ST7L: variants seen among roughly 807,000 people sequenced by gnomAD.
The protein encoded by ST7L is suppression of tumorigenicity 7 like, also known as suppressor of tumorigenicity 7 protein-like.
In ST7L, 57 loss-of-function variants were observed where a neutral mutation model predicts 72.5. That is an observed-to-expected ratio of 0.79 (90% CI 0.64 to 0.98). The LOEUF (loss-of-function observed/expected upper bound fraction) is 0.98, where lower values mean the gene tolerates loss of function less well. Among genes scored for constraint, ST7L ranks in the 50% least tolerant of loss-of-function variants. The probability of loss-of-function intolerance (pLI) is 0.00; values close to 1 mark genes in which losing one functional copy is unlikely to be tolerated. For synonymous variants in ST7L, 221 were observed against 240.9 expected (o/e 0.92, Z 0.77); for missense variants, 576 against 672.2 (o/e 0.86, Z 1.58).
At chr1:112,538,466 C>A (rs535697721) in intron 14 of ST7L, among the ~76,000 whole-genome samples, 1 of 152,302 alleles carries the variant, frequency 6.6e-6, no homozygotes, top group East Asian at 1.9e-4. Flanking sequence ...TTTTAGCCCC[C>A]TGAATAGCTG....
At chr1:112,605,689 CA>C (rs533526835) in intron 3 of ST7L, among the ~76,000 whole-genome samples, 198 of 142,518 alleles carry the variant, frequency 1.4e-3, no homozygotes, top group South Asian at 2.7e-3. Flanking sequence ...GACTCTGTCT[CA>C]AAAAAAAAAA....
At chr1:112,519,768 C>T (rs1214021019), downstream of ST7L, among the ~76,000 whole-genome samples, 1 of 151,544 alleles carries the variant, frequency 6.6e-6, no homozygotes, top group East Asian at 1.9e-4. Flanking sequence ...TGCTTATTTT[C>T]ATATGAGAAA....
At chr1:112,610,321 C>G (rs1323310541) in intron 3 of ST7L, 5 of 152,214 alleles carry the variant, frequency 3.3e-5, no homozygotes, top group African/African-American at 1.2e-4. Context: ...GGCAGGCTAA[C>G]AAAATAGAAG....
intron 10 of ST7L, 107 bp from the exon 11 acceptor site, chr1:112,577,195 T>C (rs1432321241): frequency 6.9e-6 from 4 of 581,872 alleles, no homozygotes; most frequent in Non-Finnish European, 8.1e-6. Flanking sequence ...TTTCTGGAGA[T>C]GGCCAAAAAC....
At chr1:112,609,750 A>C (rs2101025349) in intron 3 of ST7L, among the ~76,000 whole-genome samples, 1 of 152,166 alleles carries the variant, frequency 6.6e-6, no homozygotes, top group East Asian at 1.9e-4. Context: ...TTGAACTTGG[A>C]AGGAGAGGTT....
chr1:112,569,480 T>C (rs1286099550), intron 11 of ST7L, among the ~76,000 whole-genome samples: 1 of 152,136 alleles, frequency 6.6e-6, no homozygotes, highest in Non-Finnish European at 1.5e-5. Flanking sequence ...AAGTCCAGAA[T>C]AGGCAAATGC....
intron 13 of ST7L, among the ~76,000 whole-genome samples, chr1:112,547,245 T>C (rs1395329060): frequency 6.7e-6 from 1 of 149,978 alleles, no homozygotes; most frequent in Non-Finnish European, 1.5e-5. Flanking sequence ...CAGGCTGGAG[T>C]GCAGTGGCAC....
At chr1:112,539,102 T>A (rs1326181165) in intron 14 of ST7L, 3 of 152,142 alleles carry the variant, frequency 2.0e-5, no homozygotes, top group Non-Finnish European at 4.4e-5. Flanking sequence ...AAATTCCTCT[T>A]ATTGGGGGTA....
intron 5 of ST7L, among the ~76,000 whole-genome samples, chr1:112,594,759 G>A (rs544540302): frequency 6.6e-5 from 10 of 152,210 alleles, no homozygotes; most frequent in South Asian, 4.1e-4. Context: ...ATATGATTTC[G>A]TTGATAGAAC....
At chr1:112,518,433 G>A in the ST7L span, 3 of 152,168 alleles carry the variant, frequency 2.0e-5, no homozygotes, top group Non-Finnish European at 4.4e-5. Flanking sequence ...GAGTCAAGTG[G>A]CTTGGAGTAA....
chr1:112,610,230 C>T (rs916374142), intron 3 of ST7L, among the ~76,000 whole-genome samples: 4 of 152,072 alleles, frequency 2.6e-5, no homozygotes, highest in Admixed American at 6.6e-5. Context: ...TTCTTTCCTT[C>T]CTACTGATTG....
chr1:112,543,675 C>T (rs1656571899), intron 13 of ST7L, among the ~76,000 whole-genome samples: 1 of 152,154 alleles, frequency 6.6e-6, no homozygotes, highest in East Asian at 1.9e-4. Flanking sequence ...TTGAGATCAG[C>T]TTGGCCAACA....
rs33915951 is a variant in ST7L at position 112,566,294 on chromosome 1, C to CTTTTTTTTTTTTTTTT, written c.1246-10277_1246-10276insAAAAAAAAAAAAAAAA. ...TTTTCTTTTATTTCTTTTTCTTCTT[C>CTTTTTTTTTTTTTTTT]TTCTTTTTTTTTTTTTTTTTTGAGA... On this transcript the variant is annotated intron_variant, in intron 11 of 14. Transcript: ENST00000358039. 1.5e-4 allele frequency among the ~76,000 whole-genome samples: 16 copies of CTTTTTTTTTTTTTTTT among 108,974 alleles called. 1 individual carries two copies. Among genetic ancestry groups the CTTTTTTTTTTTTTTTT allele is most frequent in the Non-Finnish European group, 2.2e-4 (13 of 58,218 alleles). 71.5% of individuals were successfully genotyped at this position (108,974 alleles called of 152,430 possible). A position where few individuals can be genotyped will look rare whatever the true frequency, so the allele number is the denominator to read the frequency against.
At chr1:112,561,486 C>CT (rs894144114) in intron 11 of ST7L, among the ~76,000 whole-genome samples, 5 of 147,258 alleles carry the variant, frequency 3.4e-5, no homozygotes, top group Non-Finnish European at 6.0e-5. Flanking sequence ...ACAGATCTAA[C>CT]TTTTTTTTTT....
intron 14 of ST7L, chr1:112,540,823 TG>T: frequency 7.8e-7 from 1 of 1,288,908 alleles, no homozygotes; most frequent in Non-Finnish European, 1.0e-6. Flanking sequence ...TTTTCATTTT[TG>T]GGAATATAAT....
At chr1:112,586,520 A>T (rs575212405) in intron 6 of ST7L, among the ~76,000 whole-genome samples, 5 of 152,208 alleles carry the variant, frequency 3.3e-5, no homozygotes, top group African/African-American at 4.8e-5. Flanking sequence ...TAAAATAACC[A>T]TAATAAAAAC....
chr1:112,617,532 A>ATAG (rs1670059825), intron 1 of ST7L, among the ~76,000 whole-genome samples: 1 of 152,112 alleles, frequency 6.6e-6, no homozygotes, highest in African/African-American at 2.4e-5. Context: ...GGCAAATAAA[A>ATAG]TAGACCCAGT....
chr1:112,570,672 G>T, intron 11 of ST7L: 1 of 447,980 alleles, frequency 2.2e-6, no homozygotes. Context: ...ATCCCTTTAT[G>T]TTTGCTTGCT....
chr1:112,518,732 C>T (rs577968205), downstream of ST7L, among the ~76,000 whole-genome samples: 3 of 152,062 alleles, frequency 2.0e-5, no homozygotes, highest in African/African-American at 7.2e-5. Flanking sequence ...AATGTGTGTT[C>T]GTTTTTCTCA....
Sources: allele counts gnomAD v4.1 joint callset (sites outside exome capture counted in the v4.1 genomes callset), GRCh38; gene constraint gnomAD v4.1.1; transcripts MANE v1.5; gene names NCBI Gene and HGNC (gene_info 2026-07-23, HGNC 2026-07-21).